MEGF6: variants seen among roughly 807,000 people sequenced by gnomAD.
MEGF6 encodes the protein multiple epidermal growth factor-like domains protein 6.
MEGF6 carries 184 observed loss-of-function variants against 207.1 expected under a neutral mutation model. That is an observed-to-expected ratio of 0.89 (90% confidence interval 0.79 to 1.00). MEGF6 has a LOEUF of 1.00. Among genes scored for constraint, MEGF6 ranks in the 50% least tolerant of loss-of-function variants. MEGF6 has a pLI of 0.00. For missense variants in MEGF6, 2,282 were observed against 2,202.9 expected (o/e 1.04, Z -0.72); for synonymous variants, 1,038 against 910.0 (o/e 1.14, Z -2.53).
rs577038828 is a variant in MEGF6 at position 3,598,885 on chromosome 1, C to T, written c.267-3438G>A. On this transcript the variant is annotated intron_variant, in intron 2 of 36. Transcript: ENST00000356575. ...CTCAGGGACCTTGCTCTGCAGAGCG[C>T]GGGAGCCCCTTTATTCAAAGGGCCC... 2.3e-3 allele frequency among the ~76,000 whole-genome samples: 357 copies of T among 152,122 alleles called. 2 individuals carry two copies. Among genetic ancestry groups the T allele is most frequent in the African/African-American group, 8.5e-3 (351 of 41,496 alleles).
chr1:3,530,978 C>T (rs956120852), intron 4 of MEGF6: 1 of 1,368,838 alleles, frequency 7.3e-7, no homozygotes, highest in Non-Finnish European at 9.4e-7. Context: ...TCCAGCCTAG[C>T]AGGCAGCGCC....
At chr1:3,510,923 G>GC in intron 9 of MEGF6, 21 bp from the exon 10 acceptor site, 1 of 1,587,182 alleles carries the variant, frequency 6.3e-7, no homozygotes, top group Non-Finnish European at 8.6e-7. Flanking sequence ...CACGCCACGG[G>GC]CCCCCTGGTA....
chr1:3,549,515 G>A (rs1642819409), intron 4 of MEGF6, among the ~76,000 whole-genome samples: 1 of 152,220 alleles, frequency 6.6e-6, no homozygotes, highest in Non-Finnish European at 1.5e-5. Flanking sequence ...GCTGCCTGGG[G>A]GCTTCTGGGG....
chr1:3,618,727 C>T, the MEGF6 span, among the ~76,000 whole-genome samples: 5 of 152,312 alleles, frequency 3.3e-5, no homozygotes, highest in Admixed American at 3.3e-4. This position sits in a 1 kb window ranked among gnomAD's most constrained non-coding sequence, Gnocchi z 4.7. Context: ...CCAAGCACTG[C>T]CAGCCCTCGT....
intron 28 of MEGF6, 66 bp from the exon 29 acceptor site, chr1:3,496,849 CA>C: frequency 2.0e-6 from 3 of 1,528,262 alleles, no homozygotes; most frequent in Non-Finnish European, 2.6e-6. Flanking sequence ...CTGAACACAG[CA>C]AGGCAGCTCT....
intron 3 of MEGF6, among the ~76,000 whole-genome samples, chr1:3,586,768 C>A (rs542359352): frequency 1.3e-5 from 2 of 152,320 alleles, no homozygotes; most frequent in East Asian, 3.9e-4. Flanking sequence ...GCAGGCCCAG[C>A]CAACCAGGTG....
chr1:3,579,238 C>T (rs1271426738), intron 4 of MEGF6, among the ~76,000 whole-genome samples: 2 of 152,258 alleles, frequency 1.3e-5, no homozygotes, highest in African/African-American at 4.8e-5. Context: ...TGCCGCTTTT[C>T]CCCGCATTGG....
chr1:3,561,578 G>A (rs866136326), intron 4 of MEGF6, among the ~76,000 whole-genome samples: 3 of 152,168 alleles, frequency 2.0e-5, no homozygotes, highest in African/African-American at 4.8e-5. Context: ...TCACAGACCC[G>A]GGGGAGCTTG....
chr1:3,544,212 C>T (rs1420357147), intron 4 of MEGF6, among the ~76,000 whole-genome samples: 1 of 149,652 alleles, frequency 6.7e-6, no homozygotes, highest in South Asian at 2.1e-4. Flanking sequence ...AGCGTCGCAG[C>T]GGCATCAGGC....
At chr1:3,505,687 C>G (rs1641088973) in intron 15 of MEGF6, 131 bp from the exon 16 acceptor site, 1 of 1,240,752 alleles carries the variant, frequency 8.1e-7, no homozygotes, top group East Asian at 2.6e-5. Context: ...CACCTCTCCC[C>G]CTGCAGCCCA....
intron 4 of MEGF6, among the ~76,000 whole-genome samples, chr1:3,544,035 G>C (rs959527829): frequency 2.6e-5 from 4 of 152,320 alleles, no homozygotes; most frequent in African/African-American, 7.2e-5. Flanking sequence ...TATCGCGGGA[G>C]AGCCTCTGCG....
At chr1:3,571,432 A>T (rs947804246) in intron 4 of MEGF6, among the ~76,000 whole-genome samples, 1 of 151,636 alleles carries the variant, frequency 6.6e-6, no homozygotes, top group Middle Eastern at 3.4e-3. Context: ...GTTCCTGAGT[A>T]AGGACATCCC....
chr1:3,592,490 C>T (rs1423404517), intron 3 of MEGF6, among the ~76,000 whole-genome samples: 2 of 152,310 alleles, frequency 1.3e-5, no homozygotes, highest in East Asian at 3.9e-4. Context: ...CATCTGCTCA[C>T]AGTCAGCATC....
At chr1:3,562,407 G>A (rs1394548135) in intron 4 of MEGF6, among the ~76,000 whole-genome samples, 3 of 151,978 alleles carry the variant, frequency 2.0e-5, no homozygotes, top group Admixed American at 2.0e-4. Context: ...TCCCCCAAGG[G>A]CACTGATTTC....
chr1:3,579,177 G>A (rs918668121), intron 4 of MEGF6, among the ~76,000 whole-genome samples: 1 of 152,230 alleles, frequency 6.6e-6, no homozygotes. Context: ...AAGCCACAGA[G>A]GAAGGGAAGA....
Position 3,607,368 on chromosome 1 carries a change from C to T in MEGF6, c.131+3770G>A, listed in dbSNP as rs184579117. Among the ~76,000 whole-genome samples, 156 of 152,322 alleles carry T rather than the reference C, an allele frequency of 1.0e-3. 4 individuals carry two copies. The East Asian group carries it at 0.026, about 26-fold the overall frequency. ...TCCCCAAGGACGGAGGGCCCTTGCCCTGCCCAGCCAGGCTGTGGTCCCTGA... is the reference window on the plus strand; with the variant it reads ...TCCCCAAGGACGGAGGGCCCTTGCCTTGCCCAGCCAGGCTGTGGTCCCTGA... On this transcript the variant is annotated intron_variant, in intron 1 of 36. Coordinates refer to ENST00000356575, the MANE Select transcript of MEGF6 (RefSeq NM_001409.4).
intron 34 of MEGF6, 72 bp downstream of exon 34, chr1:3,493,699 C>G (rs1435755670): frequency 6.4e-7 from 1 of 1,564,548 alleles, no homozygotes; most frequent in African/African-American, 1.3e-5. Flanking sequence ...ACAGGTAGGG[C>G]CCAACCAATC....
At chr1:3,620,188 T>C in the MEGF6 span, among the ~76,000 whole-genome samples, 6 of 152,266 alleles carry the variant, frequency 3.9e-5, no homozygotes, top group Non-Finnish European at 7.3e-5. Flanking sequence ...TGTACAGTCA[T>C]GTGCGTTCAC....
At chr1:3,532,169 C>T (rs998918826) in intron 4 of MEGF6, among the ~76,000 whole-genome samples, 1 of 152,232 alleles carries the variant, frequency 6.6e-6, no homozygotes, top group African/African-American at 2.4e-5. Context: ...TGGGTCCCCA[C>T]GCTCCTCGAG....
Sources: allele counts gnomAD v4.1 joint callset (sites outside exome capture counted in the v4.1 genomes callset), GRCh38; gene constraint gnomAD v4.1.1; non-coding constraint Gnocchi (gnomAD v3.1); transcripts MANE v1.5; gene names NCBI Gene and HGNC (gene_info 2026-07-23, HGNC 2026-07-21).